MYH9: variants seen among roughly 807,000 people sequenced by gnomAD.
MYH9 encodes myosin-9.
Under a neutral mutation model 241.9 loss-of-function variants are expected in MYH9, and 29 were observed. The ratio of observed to expected loss-of-function variants is 0.12; its 90% CI spans 0.09 to 0.16. MYH9 has a LOEUF of 0.16. MYH9 is among the 10% of genes least tolerant of loss of function. MYH9 has a pLI of 1.00. For missense variants in MYH9, 1,803 were observed against 2,595.5 expected, an observed-to-expected ratio of 0.69 and a Z score of 6.63; for synonymous variants, 1,047 against 1,062.6, an observed-to-expected ratio of 0.99 and a Z score of 0.29.
At chr22:36,385,743 G>A (rs1452064476) in intron 1 of MYH9, among the ~76,000 whole-genome samples, 3 of 152,150 alleles carry the variant, frequency 2.0e-5, no homozygotes, top group Non-Finnish European at 4.4e-5. Flanking sequence ...AGGGTTTGCT[G>A]AGTGTGGAGA....
intron 1 of MYH9, among the ~76,000 whole-genome samples, chr22:36,382,697 G>A (rs1229579092): frequency 6.6e-6 from 1 of 151,440 alleles, no homozygotes; most frequent in African/African-American, 2.4e-5. Flanking sequence ...TGGCTACTCG[G>A]TAGGCTGAGG....
chr22:36,296,437 T>C (rs1022283271), intron 25 of MYH9, among the ~76,000 whole-genome samples: 1 of 151,986 alleles, frequency 6.6e-6, no homozygotes, highest in Non-Finnish European at 1.5e-5. Context: ...GGTTTCACCA[T>C]GTTGGCCAGG....
chr22:36,351,402 C>T (rs1015135506), intron 1 of MYH9, among the ~76,000 whole-genome samples: 6 of 152,182 alleles, frequency 3.9e-5, no homozygotes, highest in South Asian at 4.1e-4. Flanking sequence ...AAGACAGGAA[C>T]GGTGGCTGTG....
chr22:36,326,766 G>A (rs1026251018), intron 4 of MYH9, 105 bp from the exon 5 acceptor site: 59 of 962,430 alleles, frequency 6.1e-5, no homozygotes, highest in East Asian at 7.2e-5. Context: ...TTGGGTGCCC[G>A]TGAAGGACCC....
chr22:36,322,310 G>T, intron 6 of MYH9, 119 bp downstream of exon 6: 1 of 1,104,650 alleles, frequency 9.1e-7, no homozygotes, highest in Non-Finnish European at 1.4e-6. Context: ...AGGCCAGATA[G>T]CACCGAGTCT....
intron 14 of MYH9, among the ~76,000 whole-genome samples, chr22:36,310,494 T>TA (rs2017044070): frequency 6.6e-6 from 1 of 152,240 alleles, no homozygotes; most frequent in Admixed American, 6.5e-5. Flanking sequence ...ATCAGGGACC[T>TA]AGGCCTCCCT....
chr22:36,328,477 T>C (rs1215877513), intron 3 of MYH9, among the ~76,000 whole-genome samples: 1 of 152,252 alleles, frequency 6.6e-6, no homozygotes, highest in Non-Finnish European at 1.5e-5. Flanking sequence ...GAATCCAGGA[T>C]CAGGCTACTT....
At chr22:36,324,422 C>T (rs917744281) in intron 5 of MYH9, among the ~76,000 whole-genome samples, 3 of 152,272 alleles carry the variant, frequency 2.0e-5, no homozygotes, top group African/African-American at 7.2e-5. Context: ...TGGGCCCCAG[C>T]TCGTACACAA....
chr22:36,303,429 G>A (rs2016916807), intron 19 of MYH9, among the ~76,000 whole-genome samples: 1 of 151,548 alleles, frequency 6.6e-6, no homozygotes, highest in South Asian at 2.1e-4. Context: ...GGATCCTTCA[G>A]GCAGGCAAAT....
intron 1 of MYH9, among the ~76,000 whole-genome samples, chr22:36,371,022 A>C (rs563028841): frequency 2.6e-5 from 4 of 152,284 alleles, no homozygotes; most frequent in Admixed American, 6.5e-5. Flanking sequence ...AAAGCAATTA[A>C]ACAACCGGTA....
chr22:36,325,218 T>C (rs561235657), intron 5 of MYH9: 1 of 672,528 alleles, frequency 1.5e-6, no homozygotes, highest in African/African-American at 1.8e-5. Context: ...CTGTATTAGT[T>C]TCTAAATATA....
rs2016968511 is a variant in MYH9 at position 36,306,274 on chromosome 22, A to G, written c.2037+140T>C. ...TGTAGCGTATCTCCTAAGCGAGCCA[A>G]GGCCCACCCTGCAGAGAAACGACTG... On this transcript the variant is annotated intron_variant, in intron 16 of 40. Transcript: ENST00000216181. This position sits in a 1 kb window ranked among gnomAD's most constrained non-coding sequence, Gnocchi z 4.1. 1.5e-6 allele frequency: 2 copies of G among 1,306,894 alleles called. No individual in the cohort carries two copies. The highest frequency in any genetic ancestry group is 2.5e-5 in the South Asian group (2 of 80,018). 81.0% of individuals were successfully genotyped at this position (1,306,894 alleles called of 1,614,324 possible).
In MYH9 at chr22:36,301,658, G is replaced by A. The variant is rs1603483077; in HGVS notation, c.2507C>T (p.Pro836Leu). 2 of 1,613,506 alleles carry A rather than the reference G, an allele frequency of 1.2e-6. No homozygotes were observed. The highest frequency in any genetic ancestry group is 1.7e-6 in the Non-Finnish European group (2 of 1,180,024). Reference protein sequence around the residue: ...QWWRLFTKVKPLLQVSRQEEE... With the variant: ...QWWRLFTKVKLLLQVSRQEEE... ...CTCCTGCCGGCTCACCTGCAGCAGC[G>A]GCTTGACCTGGGAGAGGAGATAGAG... is the stretch of plus-strand genomic sequence containing the variant. The change falls in exon 21 of 41, where the codon CCG (proline) becomes CTG (leucine). Residue 836 changes from proline (P) to leucine (L), a missense_variant. Physicochemically the swap from Pro to Leu is moderately conservative, Grantham distance 98. Coordinates refer to ENST00000216181, the MANE Select transcript of MYH9 (RefSeq NM_002473.6).
rs139310975 is a variant in MYH9, at chr22:36,295,119, G to A, written c.3486-43C>T. ...CTCAGAGTGGAGGCCGGGGATGCTGGAGCGAGGCTGTCCCTGGGGCTCTTC... is the reference window on the plus strand; with the variant it reads ...CTCAGAGTGGAGGCCGGGGATGCTGAAGCGAGGCTGTCCCTGGGGCTCTTC... On this transcript the variant is annotated intron_variant, in intron 26 of 40. Transcript: ENST00000216181. This position sits in a 1 kb window ranked among gnomAD's most constrained non-coding sequence, Gnocchi z 4.1. The A allele has an allele frequency of 3.5e-4, 565 of 1,613,614 alleles. 1 individual carries two copies. In the African/African-American group the frequency reaches 6.4e-3, roughly 18 times the overall value.
chr22:36,335,042 C>G (rs950487458), intron 3 of MYH9, among the ~76,000 whole-genome samples: 1 of 152,110 alleles, frequency 6.6e-6, no homozygotes, highest in African/African-American at 2.4e-5. Context: ...TTTTTGGTGC[C>G]CTATAGAAGT....
chr22:36,372,739 T>A (rs760851996), intron 1 of MYH9, among the ~76,000 whole-genome samples: 35 of 151,952 alleles, frequency 2.3e-4, no homozygotes, highest in Non-Finnish European at 4.3e-4. Flanking sequence ...TGTGACCACC[T>A]GGGCCCCCAG....
intron 15 of MYH9, among the ~76,000 whole-genome samples, chr22:36,307,920 C>T (rs988393917): frequency 6.6e-6 from 1 of 151,862 alleles, no homozygotes. Context: ...CATCTTTGAC[C>T]TTATGTACCC....
At chr22:36,349,383 G>C (rs1038574140) in intron 1 of MYH9, 128 bp from the exon 2 acceptor site, 18 of 739,354 alleles carry the variant, frequency 2.4e-5, no homozygotes, top group Non-Finnish European at 3.8e-5. Flanking sequence ...TATATAACCA[G>C]GCTGCACAAC....
chr22:36,334,860 A>G (rs539100077), intron 3 of MYH9, among the ~76,000 whole-genome samples: 1 of 152,336 alleles, frequency 6.6e-6, no homozygotes, highest in Admixed American at 6.5e-5. Flanking sequence ...AGGCTCAATT[A>G]GAGTGAGTTG....
Sources: gnomAD v4.1 joint callset for allele counts (sites outside exome capture counted in the v4.1 genomes callset) on GRCh38, gnomAD v4.1.1 for gene constraint, Gnocchi (gnomAD v3.1) non-coding constraint, MANE v1.5 for transcripts, NCBI Gene and HGNC (gene_info 2026-07-23, HGNC 2026-07-21) for gene names.